The following RBFOX1 variants were observed in gnomAD, a reference collection of about 807,000 sequenced individuals.
RBFOX1 encodes the protein RNA binding fox-1 homolog 1.
RBFOX1 carries 8 observed loss-of-function variants against 57.7 expected under a neutral mutation model. The observed-to-expected ratio is 0.14, with a 90% CI of 0.08 to 0.25. The LOEUF is 0.25. Among genes scored for constraint, RBFOX1 ranks in the 10% least tolerant of loss-of-function variants. RBFOX1 has a pLI of 1.00. For missense variants in RBFOX1, 611 were observed against 548.5 expected (o/e 1.11, Z -1.14); for synonymous variants, 326 against 222.4 (o/e 1.47, Z -4.15).
intron 4 of RBFOX1, among the ~76,000 whole-genome samples, chr16:7,178,962 C>A (rs2082177150): frequency 6.6e-6 from 1 of 152,040 alleles, no homozygotes; most frequent in Non-Finnish European, 1.5e-5. Context: ...ACACTGCTGG[C>A]CCATTATAAT....
chr16:5,839,086 G>A (rs2056547776), intron 3 of RBFOX1, among the ~76,000 whole-genome samples: 1 of 152,154 alleles, frequency 6.6e-6, no homozygotes, highest in South Asian at 2.1e-4. Flanking sequence ...AACACCTACA[G>A]CAAAGAATTA....
intron 3 of RBFOX1, among the ~76,000 whole-genome samples, chr16:6,920,012 C>A (rs796461542): frequency 6.6e-6 from 1 of 152,026 alleles, no homozygotes; most frequent in Non-Finnish European, 1.5e-5. Context: ...TTAGCTCTCC[C>A]TTATAAGACG....
chr16:7,385,602 G>C (rs1052708467), intron 4 of RBFOX1, among the ~76,000 whole-genome samples: 1 of 152,150 alleles, frequency 6.6e-6, no homozygotes, highest in Admixed American at 6.5e-5. Context: ...AGATAGATTA[G>C]GTGGTGGTCA....
At chr16:7,703,849 G>A (rs376068952) in intron 14 of RBFOX1, among the ~76,000 whole-genome samples, 10 of 152,290 alleles carry the variant, frequency 6.6e-5, no homozygotes, top group South Asian at 4.1e-4. Context: ...AACTCCAAAA[G>A]CATCTGTAAT....
At chr16:5,600,977 C>T (rs1157012094), downstream of RBFOX1, among the ~76,000 whole-genome samples, 2 of 152,160 alleles carry the variant, frequency 1.3e-5, no homozygotes, top group Non-Finnish European at 2.9e-5. Context: ...CTGGACTTAC[C>T]CTCTGACCCA....
At chr16:7,335,753 G>A (rs1025246874) in intron 4 of RBFOX1, among the ~76,000 whole-genome samples, 7 of 152,270 alleles carry the variant, frequency 4.6e-5, no homozygotes, top group African/African-American at 1.7e-4. Context: ...ATAATTGATA[G>A]TTATCATCTG....
At position 7,124,604 on chromosome 16, in the gene RBFOX1, C is replaced by T. The variant is rs541445578; in HGVS notation, c.27+72506C>T. On this transcript the variant is annotated intron_variant, in intron 4 of 15. Coordinates refer to ENST00000550418, the MANE Select transcript of RBFOX1 (RefSeq NM_018723.4). ...CTTCCTGTAATAAGTTGTGAGTTTT[C>T]TCATAATGTCTTCACCAATAGGGCA... 4.5e-4 allele frequency among the ~76,000 whole-genome samples: 61 copies of T among 135,008 alleles called. 2 individuals carry two copies. The South Asian group carries it at 0.014, about 31-fold the overall frequency. The allele number at this position is 135,008 out of a possible 152,430, so 88.6% of individuals were successfully genotyped here.
At chr16:6,845,914 A>G (rs1225233624) in intron 3 of RBFOX1, among the ~76,000 whole-genome samples, 1 of 152,208 alleles carries the variant, frequency 6.6e-6, no homozygotes, top group Non-Finnish European at 1.5e-5. Context: ...CATTATCTTA[A>G]AAAGGCAAAT....
intron 1 of RBFOX1, among the ~76,000 whole-genome samples, chr16:6,029,967 G>T (rs1006293863): frequency 6.6e-6 from 1 of 152,024 alleles, no homozygotes; most frequent in African/African-American, 2.4e-5. Flanking sequence ...AGGCTGGAGT[G>T]CAGTGATGCA....
chr16:5,925,364 G>A (rs1330881503), intron 4 of RBFOX1, among the ~76,000 whole-genome samples: 1 of 151,734 alleles, frequency 6.6e-6, no homozygotes, highest in Non-Finnish European at 1.5e-5. Flanking sequence ...CAGTGTAGAT[G>A]AACCTTGAAA....
At chr16:5,926,004 C>A (rs1262478379) in intron 4 of RBFOX1, among the ~76,000 whole-genome samples, 2 of 152,154 alleles carry the variant, frequency 1.3e-5, no homozygotes, top group African/African-American at 4.8e-5. Flanking sequence ...GGTGTGGTAG[C>A]AGTCAGACTA....
intron 2 of RBFOX1, among the ~76,000 whole-genome samples, chr16:6,369,680 T>C (rs1005842973): frequency 1.3e-5 from 2 of 152,130 alleles, no homozygotes; most frequent in Non-Finnish European, 2.9e-5. Flanking sequence ...ATGTAAAGTT[T>C]TTCACTATCA....
Position 6,589,979 on chromosome 16 carries a change from C to T in RBFOX1, c.-63-64624C>T, listed in dbSNP as rs534243319. Among the ~76,000 whole-genome samples the T allele has an allele frequency of 7.2e-5, 11 of 152,246 alleles. No homozygotes were observed. The South Asian group carries it at 1.9e-3, about 26-fold the overall frequency. On this transcript the variant is annotated intron_variant, in intron 2 of 15. Transcript: ENST00000550418. The stretch of plus-strand genomic sequence containing the variant: ...ATCAATAATGACCACAATTTCCAGT[C>T]ACTCCTCTTCTGATAGAAAGGCCAA...
At chr16:6,209,176 A>G (rs2097275444) in intron 1 of RBFOX1, among the ~76,000 whole-genome samples, 1 of 152,198 alleles carries the variant, frequency 6.6e-6, no homozygotes, top group Non-Finnish European at 1.5e-5. Flanking sequence ...TTACTCCTCA[A>G]GTAGGGAGTT....
intron 1 of RBFOX1, among the ~76,000 whole-genome samples, chr16:5,281,152 A>AT (rs919579150): frequency 6.6e-6 from 1 of 152,086 alleles, no homozygotes; most frequent in African/African-American, 2.4e-5. Context: ...TGTTTAAAAA[A>AT]TTTTTTTAAT....
intron 3 of RBFOX1, among the ~76,000 whole-genome samples, chr16:6,856,445 G>A (rs1250906992): frequency 6.6e-6 from 1 of 152,036 alleles, no homozygotes; most frequent in South Asian, 2.1e-4. Flanking sequence ...GAGACAGCAG[G>A]ACCACCTGAG....
At chr16:6,986,789 A>C (rs925173643) in intron 3 of RBFOX1, among the ~76,000 whole-genome samples, 12 of 152,100 alleles carry the variant, frequency 7.9e-5, no homozygotes, top group Admixed American at 2.6e-4. Flanking sequence ...TGCCTTTAAG[A>C]AAATAACTGA....
rs371373197 is a variant in RBFOX1, at chr16:7,274,936, G to C, written c.27+222838G>C. Among the ~76,000 whole-genome samples the C allele has an allele frequency of 4.6e-5, 7 of 151,920 alleles. 1 individual carries two copies. The East Asian group carries it at 9.7e-4, about 21-fold the overall frequency. On this transcript the variant is annotated intron_variant, in intron 4 of 15. Transcript: ENST00000550418. Reference sequence around the variant, plus strand: ...TGGCCTGAAGTGACCTGCCTGCCTCGGCCTCCCAAAGTGCTGGAATTAGAG... The same window carrying C: ...TGGCCTGAAGTGACCTGCCTGCCTCCGCCTCCCAAAGTGCTGGAATTAGAG...
At chr16:6,609,674 C>T (rs1001658998) in intron 2 of RBFOX1, among the ~76,000 whole-genome samples, 2 of 152,102 alleles carry the variant, frequency 1.3e-5, no homozygotes, top group South Asian at 2.1e-4. Flanking sequence ...AAGATTCACC[C>T]AGATGGTTCA....
Sources: gnomAD v4.1 joint callset for allele counts (sites outside exome capture counted in the v4.1 genomes callset) on GRCh38, gnomAD v4.1.1 for gene constraint, MANE v1.5 for transcripts, NCBI Gene and HGNC (gene_info 2026-07-23, HGNC 2026-07-21) for gene names.